The following NEMP2 variants were observed in gnomAD, a reference collection of about 807,000 sequenced individuals.
The protein encoded by NEMP2 is UPF0571 transmembrane protein.
In NEMP2, 53 loss-of-function variants were observed where a neutral mutation model predicts 54.2. The observed-to-expected ratio is 0.98, with a 90% CI of 0.78 to 1.23. The LOEUF is 1.23. Among genes scored for constraint, NEMP2 ranks in the 50% most tolerant of loss-of-function variants. The probability of loss-of-function intolerance (pLI) is 0.00; values close to 1 mark genes in which losing one functional copy is unlikely to be tolerated. For missense variants in NEMP2, 455 were observed against 511.3 expected, an observed-to-expected ratio of 0.89 and a Z score of 1.06; for synonymous variants, 197 against 190.3, an observed-to-expected ratio of 1.04 and a Z score of -0.29.
chr2:190,609,984 A>G, the NEMP2 span: 1 of 152,232 alleles, frequency 6.6e-6, no homozygotes, highest in Non-Finnish European at 1.5e-5. The surrounding 1 kb of genome is among the most constrained non-coding windows in gnomAD (Gnocchi z 4.7). Context: ...ACGAAAGCAC[A>G]GCTCAGGTTT....
chr2:190,634,336 C>T, the NEMP2 span, among the ~76,000 whole-genome samples: 1 of 152,042 alleles, frequency 6.6e-6, no homozygotes, highest in Non-Finnish European at 1.5e-5. The surrounding 1 kb of genome is among the most constrained non-coding windows in gnomAD (Gnocchi z 6.8). Context: ...TCTTTCTAAG[C>T]ATTTATTTTT....
chr2:190,452,769 A>G, the NEMP2 span, among the ~76,000 whole-genome samples: 1 of 152,160 alleles, frequency 6.6e-6, no homozygotes, highest in Non-Finnish European at 1.5e-5. Flanking sequence ...CCACGTCCCC[A>G]AATTATTCCT....
At chr2:190,439,937 G>T in the NEMP2 span, among the ~76,000 whole-genome samples, 1 of 152,188 alleles carries the variant, frequency 6.6e-6, no homozygotes, top group Non-Finnish European at 1.5e-5. This position sits in a 1 kb window ranked among gnomAD's most constrained non-coding sequence, Gnocchi z 5.8. Context: ...AGGTGGTATT[G>T]GTTGTGATTT....
the NEMP2 span, among the ~76,000 whole-genome samples, chr2:190,483,914 A>C: frequency 6.6e-6 from 1 of 152,062 alleles, no homozygotes. Context: ...AGGTTATTCA[A>C]ATGTAATGGA....
the NEMP2 span, among the ~76,000 whole-genome samples, chr2:190,548,415 T>C: frequency 6.6e-6 from 1 of 152,236 alleles, no homozygotes; most frequent in African/African-American, 2.4e-5. Context: ...TATTCCTCTA[T>C]GTAAAATCTA....
the NEMP2 span, among the ~76,000 whole-genome samples, chr2:190,611,495 A>C: frequency 2.0e-5 from 3 of 152,236 alleles, no homozygotes; most frequent in Non-Finnish European, 4.4e-5. This position sits in a 1 kb window ranked among gnomAD's most constrained non-coding sequence, Gnocchi z 5.4. Context: ...GTTAAAGAGC[A>C]GGTTAGTGCT....
chr2:190,625,131 G>A, the NEMP2 span: 16 of 152,146 alleles, frequency 1.1e-4, no homozygotes, highest in African/African-American at 3.4e-4. Flanking sequence ...CTGAAAACAT[G>A]TCTACACAAA....
the NEMP2 span, among the ~76,000 whole-genome samples, chr2:190,473,535 A>T: frequency 1.3e-5 from 2 of 152,332 alleles, no homozygotes; most frequent in Admixed American, 1.3e-4. Flanking sequence ...TCCTAAATAT[A>T]TATGCACCCA....
chr2:190,432,460 G>A, the NEMP2 span, among the ~76,000 whole-genome samples: 4 of 152,152 alleles, frequency 2.6e-5, no homozygotes, highest in Non-Finnish European at 5.9e-5. Context: ...CGTCACCCAG[G>A]CTGGAGAATG....
the NEMP2 span, chr2:190,437,198 G>A: frequency 5.0e-6 from 8 of 1,614,150 alleles, no homozygotes; most frequent in East Asian, 4.5e-5. This position sits in a 1 kb window ranked among gnomAD's most constrained non-coding sequence, Gnocchi z 5.9. Flanking sequence ...ACTCAGTTCC[G>A]GTTCCGCTAC....
chr2:190,500,630 A>T (rs1013817974), downstream of NEMP2: 56 of 163,576 alleles, frequency 3.4e-4, no homozygotes, highest in African/African-American at 1.2e-3. This position sits in a 1 kb window ranked among gnomAD's most constrained non-coding sequence, Gnocchi z 5.3. Context: ...TCCTAACACA[A>T]ACTGGGAAGA....
At chr2:190,642,393 T>C in the NEMP2 span, among the ~76,000 whole-genome samples, 1 of 152,236 alleles carries the variant, frequency 6.6e-6, no homozygotes, top group East Asian at 1.9e-4. The surrounding 1 kb of genome is among the most constrained non-coding windows in gnomAD (Gnocchi z 4.1). Flanking sequence ...TAATCCTTTA[T>C]ACCTTAAAAT....
the NEMP2 span, among the ~76,000 whole-genome samples, chr2:190,480,930 A>G: frequency 2.0e-5 from 3 of 152,230 alleles, no homozygotes; most frequent in Non-Finnish European, 4.4e-5. Flanking sequence ...AAAAGATCCT[A>G]TTCTAAGGAG....
At position 190,519,395 on chromosome 2, in the gene NEMP2, A is replaced by AT. The variant is rs1690677360; in HGVS notation, c.214-213dup. 1.3e-5 allele frequency among the ~76,000 whole-genome samples: 2 copies of AT among 151,886 alleles called. No homozygotes were observed. The highest frequency in any genetic ancestry group is 4.8e-5 in the African/African-American group (2 of 41,336). On this transcript the variant is annotated intron_variant, in intron 2 of 8. Coordinates refer to ENST00000409150, the MANE Select transcript of NEMP2 (RefSeq NM_001142645.2). This position sits in a 1 kb window ranked among gnomAD's most constrained non-coding sequence, Gnocchi z 5.4. The stretch of plus-strand genomic sequence containing the variant: ...TGCCACCTGCCCAGCTAATTTTTGT[A>AT]TTTTTTGTAGAGATGAGGTTTCGCC...
the NEMP2 span, among the ~76,000 whole-genome samples, chr2:190,492,492 T>C: frequency 6.6e-6 from 1 of 152,206 alleles, no homozygotes; most frequent in African/African-American, 2.4e-5. This position sits in a 1 kb window ranked among gnomAD's most constrained non-coding sequence, Gnocchi z 5.2. Context: ...GGCCCTATGT[T>C]CAGCCTCATA....
At chr2:190,422,662 A>G in the NEMP2 span, among the ~76,000 whole-genome samples, 1 of 152,158 alleles carries the variant, frequency 6.6e-6, no homozygotes, top group Non-Finnish European at 1.5e-5. Context: ...TTCTGAAACG[A>G]TGATGTGCTT....
At chr2:190,641,420 G>C in the NEMP2 span, 1 of 152,252 alleles carries the variant, frequency 6.6e-6, no homozygotes, top group Non-Finnish European at 1.5e-5. Flanking sequence ...CCCTCATGAT[G>C]GAGGGTACTC....
At chr2:190,483,477 T>C in the NEMP2 span, among the ~76,000 whole-genome samples, 2 of 152,224 alleles carry the variant, frequency 1.3e-5, no homozygotes, top group South Asian at 2.1e-4. Flanking sequence ...ATTGGAGGAA[T>C]AGATTCAATA....
chr2:190,482,992 C>T, the NEMP2 span, among the ~76,000 whole-genome samples: 210 of 144,702 alleles, frequency 1.5e-3, no homozygotes, highest in African/African-American at 5.2e-3. Flanking sequence ...CCCGGGTTCA[C>T]GCCATTCTCC....
Sources: allele counts gnomAD v4.1 joint callset (sites outside exome capture counted in the v4.1 genomes callset), GRCh38; gene constraint gnomAD v4.1.1; non-coding constraint Gnocchi (gnomAD v3.1); transcripts MANE v1.5; gene names NCBI Gene and HGNC (gene_info 2026-07-23, HGNC 2026-07-21).